LOC400499: variants seen among roughly 807,000 people sequenced by gnomAD.
At chr16:11,481,467 C>T in the LOC400499 span, among the ~76,000 whole-genome samples, 3 of 151,858 alleles carry the variant, frequency 2.0e-5, no homozygotes, top group Non-Finnish European at 2.9e-5. Context: ...GGATTATAAA[C>T]GCCTGCCACC....
the LOC400499 span, among the ~76,000 whole-genome samples, chr16:11,411,080 T>TG: frequency 0.035 from 5,388 of 152,250 alleles, 145 homozygotes; most frequent in East Asian, 0.051. Flanking sequence ...TGGGTATGTT[T>TG]GGGAAAGCTG....
the LOC400499 span, among the ~76,000 whole-genome samples, chr16:11,410,066 C>T: frequency 2.1e-4 from 32 of 152,166 alleles, 1 homozygote; most frequent in Non-Finnish European, 2.9e-5. Context: ...ATCACTTGCA[C>T]CCAGGAGTTT....
the LOC400499 span, among the ~76,000 whole-genome samples, chr16:11,439,880 C>T: frequency 6.6e-6 from 1 of 152,068 alleles, no homozygotes; most frequent in African/African-American, 2.4e-5. Flanking sequence ...TTGACCCTGA[C>T]CTTGAACCAG....
chr16:11,417,469 A>AGTT, the LOC400499 span, among the ~76,000 whole-genome samples: 20,673 of 152,106 alleles, frequency 0.14, 1,688 homozygotes, highest in African/African-American at 0.24. Flanking sequence ...CTGCCTTGGG[A>AGTT]GTTAGGTCAT....
At chr16:11,376,628 C>T in the LOC400499 span, among the ~76,000 whole-genome samples, 15,785 of 152,184 alleles carry the variant, frequency 0.1, 930 homozygotes, top group Middle Eastern at 0.18. Context: ...AAGTATAAGA[C>T]GTCCAAATTT....
At chr16:11,506,776 T>C in the LOC400499 span, among the ~76,000 whole-genome samples, 1 of 152,136 alleles carries the variant, frequency 6.6e-6, no homozygotes, top group African/African-American at 2.4e-5. Flanking sequence ...AAACAAACCT[T>C]GTCTCCTGCC....
chr16:11,425,661 T>C, the LOC400499 span, among the ~76,000 whole-genome samples: 1 of 152,162 alleles, frequency 6.6e-6, no homozygotes, highest in Non-Finnish European at 1.5e-5. Flanking sequence ...TCAGAAAATC[T>C]GAACAGCTCT....
chr16:11,421,883 C>G, the LOC400499 span, among the ~76,000 whole-genome samples: 2 of 152,164 alleles, frequency 1.3e-5, no homozygotes, highest in African/African-American at 4.8e-5. Flanking sequence ...GTGTGAACGA[C>G]CATAGCATCC....
At chr16:11,423,183 A>G in the LOC400499 span, 1 of 399,330 alleles carries the variant, frequency 2.5e-6, no homozygotes, top group Non-Finnish European at 4.4e-6. Context: ...CCATACCTCG[A>G]GAGGCTGCCC....
the LOC400499 span, among the ~76,000 whole-genome samples, chr16:11,420,010 T>G: frequency 3.0e-4 from 45 of 150,368 alleles, no homozygotes; most frequent in Non-Finnish European, 5.8e-4. Flanking sequence ...TGTAAACTAG[T>G]TCAACCATTG....
At chr16:11,384,173 A>G in the LOC400499 span, 8 of 1,220,406 alleles carry the variant, frequency 6.6e-6, no homozygotes, top group Non-Finnish European at 8.2e-6. Context: ...GCAGCCCTCA[A>G]GAACCTCAGC....
At chr16:11,484,804 C>CA in the LOC400499 span, 1 of 331,388 alleles carries the variant, frequency 3.0e-6, no homozygotes, top group African/African-American at 2.4e-5. Context: ...ACCCAAGTCT[C>CA]AGGTTCAAAA....
the LOC400499 span, among the ~76,000 whole-genome samples, chr16:11,377,067 C>T: frequency 9.9e-5 from 15 of 152,004 alleles, no homozygotes; most frequent in Admixed American, 4.6e-4. Context: ...GATCCTCCTG[C>T]CTCAGCCTCC....
the LOC400499 span, among the ~76,000 whole-genome samples, chr16:11,456,549 T>C: frequency 4.6e-5 from 7 of 152,150 alleles, no homozygotes; most frequent in Non-Finnish European, 1.0e-4. Context: ...GAAGTTACGA[T>C]GTAATTATAA....
At chr16:11,447,207 G>A in the LOC400499 span, among the ~76,000 whole-genome samples, 1 of 152,204 alleles carries the variant, frequency 6.6e-6, no homozygotes, top group Non-Finnish European at 1.5e-5. Context: ...CACAGACTGG[G>A]ATTAGAATCC....
At chr16:11,466,559 T>C in the LOC400499 span, among the ~76,000 whole-genome samples, 1 of 152,002 alleles carries the variant, frequency 6.6e-6, no homozygotes, top group Admixed American at 6.6e-5. Context: ...CGGCTACTTT[T>C]TGTATTTTTG....
At chr16:11,401,909 G>A in the LOC400499 span, 11 of 397,926 alleles carry the variant, frequency 2.8e-5, no homozygotes, top group Non-Finnish European at 4.9e-5. Flanking sequence ...AGTCCCTTGG[G>A]GATGTGGTAC....
At chr16:11,385,526 G>A in the LOC400499 span, 1 of 695,548 alleles carries the variant, frequency 1.4e-6, no homozygotes, top group Middle Eastern at 4.5e-4. Flanking sequence ...GGCTTAGCCT[G>A]CCCTGAGGCC....
At chr16:11,500,594 G>T in the LOC400499 span, among the ~76,000 whole-genome samples, 1 of 152,006 alleles carries the variant, frequency 6.6e-6, no homozygotes, top group South Asian at 2.1e-4. Context: ...CAGGTGGGAG[G>T]CACATTGCTG....
Sources: gnomAD v4.1 joint callset for allele counts (sites outside exome capture counted in the v4.1 genomes callset) on GRCh38, gnomAD v4.1.1 for gene constraint, MANE v1.5 for transcripts.